CNTN4: variants seen among roughly 807,000 people sequenced by gnomAD.
CNTN4 encodes contactin-4.
A neutral mutation model predicts 122.5 loss-of-function variants in CNTN4; 77 were observed. That is an observed-to-expected ratio of 0.63 (90% confidence interval 0.52 to 0.76). The LOEUF (loss-of-function observed/expected upper bound fraction) is 0.76, where lower values mean the gene tolerates loss of function less well. CNTN4 is among the 30% of genes least tolerant of loss of function. The pLI is 0.00. For synonymous variants in CNTN4, 512 were observed against 447.0 expected (o/e 1.15, Z -1.83); for missense variants, 1,256 against 1,259.1 (o/e 1.00, Z 0.04).
intron 3 of CNTN4, among the ~76,000 whole-genome samples, chr3:2,510,787 A>G (rs2076865290): frequency 6.6e-6 from 1 of 152,166 alleles, no homozygotes; most frequent in Non-Finnish European, 1.5e-5. Context: ...AAGCATGTCC[A>G]CAGGCTACTG....
chr3:2,203,800 A>G lies in CNTN4; in HGVS notation c.-145+103161A>G, dbSNP rs562090352. The stretch of plus-strand genomic sequence containing the variant: ...AGAGGTGTGGCCCAACTAATGCTGT[A>G]TGATTGTCCAAACCAGATCAATAAC... On this transcript the variant is annotated intron_variant, in intron 2 of 24. Coordinates refer to ENST00000418658, the MANE Select transcript of CNTN4 (RefSeq NM_175607.3). 1.1e-4 allele frequency among the ~76,000 whole-genome samples: 17 copies of G among 152,302 alleles called. No individual in the cohort carries two copies. In the East Asian group the frequency reaches 3.1e-3, roughly 28 times the overall value.
At chr3:2,991,228 C>A (rs188719860) in intron 14 of CNTN4, among the ~76,000 whole-genome samples, 1 of 151,896 alleles carries the variant, frequency 6.6e-6, no homozygotes, top group Non-Finnish European at 1.5e-5. Context: ...GGTGAGAGAA[C>A]GAGGAGGGAC....
At chr3:2,587,682 C>T (rs2080267163) in intron 4 of CNTN4, among the ~76,000 whole-genome samples, 1 of 152,180 alleles carries the variant, frequency 6.6e-6, no homozygotes, top group Non-Finnish European at 1.5e-5. Flanking sequence ...AGAAGATTAT[C>T]AATGGCATTT....
At chr3:2,670,897 T>G (rs1029987400) in intron 4 of CNTN4, among the ~76,000 whole-genome samples, 1 of 152,238 alleles carries the variant, frequency 6.6e-6, no homozygotes, top group Non-Finnish European at 1.5e-5. Context: ...AAAATTCTTT[T>G]CTTTAAGAAT....
At chr3:2,988,890 T>C in intron 14 of CNTN4, 1 of 244,364 alleles carries the variant, frequency 4.1e-6, no homozygotes, top group South Asian at 5.2e-5. Flanking sequence ...ATTTTTAAGA[T>C]AGCTGTCCCA....
At chr3:2,884,709 A>AT (rs1199810691) in intron 9 of CNTN4, among the ~76,000 whole-genome samples, 8 of 152,194 alleles carry the variant, frequency 5.3e-5, no homozygotes, top group African/African-American at 1.7e-4. Context: ...CATTTGATGA[A>AT]TTTTTTAAGA....
At position 2,964,412 on chromosome 3, in the gene CNTN4, T is replaced by C. The variant is rs1327324702; in HGVS notation, c.1359-23933T>C. ...GTTTTTCACCAAATTGCTTAGTAAC[T>C]CTGTCAACTCTTCCATTCATTGATC... On this transcript the variant is annotated intron_variant, in intron 13 of 24. Coordinates refer to ENST00000418658, the MANE Select transcript of CNTN4 (RefSeq NM_175607.3). Among the ~76,000 whole-genome samples the C allele has an allele frequency of 6.1e-4, 93 of 152,220 alleles. 1 individual carries two copies. Among genetic ancestry groups the C allele is most frequent in the Non-Finnish European group, 2.4e-4 (16 of 68,040 alleles).
In CNTN4 at chr3:2,279,796, G is replaced by A. The variant is rs140941491; in HGVS notation, c.-144-59382G>A. Among the ~76,000 whole-genome samples, 1,209 of 151,224 alleles carry A rather than the reference G, an allele frequency of 8.0e-3. 18 individuals are homozygous for A. The highest frequency in any genetic ancestry group is 0.028 in the African/African-American group (1,145 of 41,220). ...CTACATATATCTATATATATATTCT[G>A]TCTAAAAATTCTCACAATTCTGTGT... On this transcript the variant is annotated intron_variant, in intron 2 of 24. Coordinates refer to ENST00000418658, the MANE Select transcript of CNTN4 (RefSeq NM_175607.3).
At chr3:2,729,206 G>A (rs2088462061) in intron 4 of CNTN4, among the ~76,000 whole-genome samples, 2 of 152,192 alleles carry the variant, frequency 1.3e-5, no homozygotes, top group African/African-American at 2.4e-5. Flanking sequence ...TAGCCGCAGA[G>A]TGATCTAGCA....
chr3:2,504,803 GA>G (rs1218291559), intron 3 of CNTN4, among the ~76,000 whole-genome samples: 1 of 152,054 alleles, frequency 6.6e-6, no homozygotes, highest in Admixed American at 6.6e-5. Flanking sequence ...AAAGCAACCA[GA>G]AAAATTCAAA....
At chr3:2,518,827 A>G (rs2077115379) in intron 3 of CNTN4, among the ~76,000 whole-genome samples, 1 of 152,096 alleles carries the variant, frequency 6.6e-6, no homozygotes, top group Admixed American at 6.6e-5. Flanking sequence ...TGAGACTTAA[A>G]TCTACACAAA....
chr3:3,014,249 T>G (rs1473205695), intron 14 of CNTN4, among the ~76,000 whole-genome samples: 1 of 152,216 alleles, frequency 6.6e-6, no homozygotes, highest in Non-Finnish European at 1.5e-5. Context: ...TGCTGACCGT[T>G]TCTCAATACT....
chr3:2,672,526 G>T (rs917305806), intron 4 of CNTN4, among the ~76,000 whole-genome samples: 4 of 152,166 alleles, frequency 2.6e-5, no homozygotes, highest in Non-Finnish European at 5.9e-5. Flanking sequence ...CCTTTCCTTG[G>T]CTAGGAAAGG....
chr3:2,498,502 G>A (rs1270467576), intron 3 of CNTN4, among the ~76,000 whole-genome samples: 3 of 132,038 alleles, frequency 2.3e-5, no homozygotes, highest in African/African-American at 7.4e-5. Flanking sequence ...TTGGAGACAG[G>A]ATCTCGCTTT....
intron 3 of CNTN4, among the ~76,000 whole-genome samples, chr3:2,487,888 A>G (rs2076207856): frequency 6.6e-6 from 1 of 152,222 alleles, no homozygotes; most frequent in Non-Finnish European, 1.5e-5. Context: ...CCAATAAGTT[A>G]TATTTGTTCA....
intron 4 of CNTN4, among the ~76,000 whole-genome samples, chr3:2,721,538 C>T (rs897375213): frequency 1.3e-5 from 2 of 152,110 alleles, no homozygotes; most frequent in Non-Finnish European, 2.9e-5. Context: ...GCTCTTCCTG[C>T]ATATGGTACT....
At chr3:2,607,763 A>G (rs1306557760) in intron 4 of CNTN4, among the ~76,000 whole-genome samples, 1 of 152,200 alleles carries the variant, frequency 6.6e-6, no homozygotes, top group Non-Finnish European at 1.5e-5. Context: ...ATGTTAAAAA[A>G]TAGATACATA....
intron 2 of CNTN4, among the ~76,000 whole-genome samples, chr3:2,151,133 CG>C (rs1477250188): frequency 1.1e-4 from 17 of 152,070 alleles, no homozygotes; most frequent in Non-Finnish European, 2.5e-4. Flanking sequence ...CCATGTTGGC[CG>C]GGCTGGTCTG....
chr3:2,942,672 G>A (rs9310890), intron 13 of CNTN4, among the ~76,000 whole-genome samples: 5 of 151,920 alleles, frequency 3.3e-5, no homozygotes, highest in Admixed American at 6.5e-5. Flanking sequence ...TTCCCAACAC[G>A]AGTTCTTGAG....
Sources: allele counts gnomAD v4.1 joint callset (sites outside exome capture counted in the v4.1 genomes callset), GRCh38; gene constraint gnomAD v4.1.1; transcripts MANE v1.5; gene names NCBI Gene and HGNC (gene_info 2026-07-23, HGNC 2026-07-21).